Variants in TNFAIP8 observed in about 807,000 individuals in gnomAD.
TNFAIP8 encodes tumor necrosis factor alpha-induced protein 8.
In TNFAIP8, 7 loss-of-function variants were observed where a neutral mutation model predicts 13.3. The ratio of observed to expected loss-of-function variants is 0.52; its 90% CI spans 0.30 to 0.99. The LOEUF is 0.99. TNFAIP8 is among the 50% of genes least tolerant of loss of function. The pLI, the probability that TNFAIP8 is intolerant of heterozygous loss-of-function variation, is 0.07. For missense variants in TNFAIP8, 258 were observed against 236.9 expected (o/e 1.09, Z -0.58); for synonymous variants, 94 against 87.6 (o/e 1.07, Z -0.41).
chr5:119,316,476 T>C (rs1165682563), intron 1 of TNFAIP8, among the ~76,000 whole-genome samples: 1 of 152,192 alleles, frequency 6.6e-6, no homozygotes, highest in Non-Finnish European at 1.5e-5. Flanking sequence ...CTTCTTTCTA[T>C]GTCCCCTAAT....
At chr5:119,312,773 T>C (rs760130799) in intron 1 of TNFAIP8, among the ~76,000 whole-genome samples, 1 of 143,066 alleles carries the variant, frequency 7.0e-6, no homozygotes, top group Non-Finnish European at 1.5e-5. Flanking sequence ...AAAAAGAATA[T>C]GAAGATCTAC....
In TNFAIP8 at chr5:119,393,814, T is replaced by C. The variant is rs151175368; in HGVS notation, c.*433T>C. 1.3e-5 allele frequency: 2 copies of C among 159,304 alleles called. No homozygotes were observed. The highest frequency in any genetic ancestry group is 2.4e-5 in the African/African-American group (1 of 41,624). 9.9% of individuals were successfully genotyped at this position (159,304 alleles called of 1,614,324 possible). ...TAAAATGCCAAGAACTTTCTCTTGC[T>C]ATCATTGCTCCTTTTGAAACAATTC... On this transcript the variant is annotated 3_prime_UTR_variant, in exon 2 of 2. Transcript: ENST00000504771.
intron 1 of TNFAIP8, among the ~76,000 whole-genome samples, chr5:119,376,002 A>G (rs940774575): frequency 3.9e-5 from 6 of 152,192 alleles, no homozygotes; most frequent in Non-Finnish European, 7.4e-5. Flanking sequence ...ATGTTATCAG[A>G]TGACTTTTTG....
At chr5:119,290,864 G>A (rs1748961251) in intron 1 of TNFAIP8, among the ~76,000 whole-genome samples, 1 of 152,184 alleles carries the variant, frequency 6.6e-6, no homozygotes, top group African/African-American at 2.4e-5. Flanking sequence ...GTGTGTTCAA[G>A]GGACATTAAT....
At chr5:119,357,361 T>C (rs6862941) in intron 1 of TNFAIP8, among the ~76,000 whole-genome samples, 23,953 of 152,130 alleles carry the variant, frequency 0.16, 3,605 homozygotes, top group African/African-American at 0.4. Context: ...TGTGTGCTGA[T>C]AGATGCTTTT....
chr5:119,358,644 A>G (rs1265959401), intron 1 of TNFAIP8, among the ~76,000 whole-genome samples: 1 of 152,214 alleles, frequency 6.6e-6, no homozygotes, highest in African/African-American at 2.4e-5. Flanking sequence ...GAGGATATCA[A>G]CAGTTTCCAG....
chr5:119,282,376 C>G (rs1748658627), intron 1 of TNFAIP8, among the ~76,000 whole-genome samples: 1 of 152,132 alleles, frequency 6.6e-6, no homozygotes, highest in Admixed American at 6.5e-5. Flanking sequence ...TGGGAACTGT[C>G]CCATCCCTTT....
intron 1 of TNFAIP8, among the ~76,000 whole-genome samples, chr5:119,330,820 C>T (rs1227968235): frequency 2.6e-5 from 4 of 152,016 alleles, no homozygotes; most frequent in Non-Finnish European, 5.9e-5. Flanking sequence ...TCCCTAATGA[C>T]AGCTTATTTG....
At chr5:119,379,787 C>A (rs1752418661) in intron 1 of TNFAIP8, among the ~76,000 whole-genome samples, 1 of 151,906 alleles carries the variant, frequency 6.6e-6, no homozygotes, top group African/African-American at 2.4e-5. Context: ...GAGATGGGGT[C>A]TCTCCATGTT....
intron 1 of TNFAIP8, among the ~76,000 whole-genome samples, chr5:119,274,231 T>C (rs1268425953): frequency 6.6e-6 from 1 of 152,162 alleles, no homozygotes; most frequent in African/African-American, 2.4e-5. Context: ...GCATGGACAG[T>C]GTTGGCAACA....
intron 1 of TNFAIP8, among the ~76,000 whole-genome samples, chr5:119,288,470 A>G (rs770540055): frequency 6.6e-6 from 1 of 152,238 alleles, no homozygotes; most frequent in South Asian, 2.1e-4. Context: ...AGCACAATCA[A>G]TGGGATTAAG....
At chr5:119,324,848 G>A (rs1474613535) in intron 1 of TNFAIP8, among the ~76,000 whole-genome samples, 1 of 151,894 alleles carries the variant, frequency 6.6e-6, no homozygotes, top group East Asian at 1.9e-4. Flanking sequence ...AATTATATAT[G>A]GCTTAATATA....
intron 1 of TNFAIP8, among the ~76,000 whole-genome samples, chr5:119,348,014 T>C (rs1282601596): frequency 6.6e-6 from 1 of 152,224 alleles, no homozygotes; most frequent in African/African-American, 2.4e-5. Flanking sequence ...TCTTTGTGCA[T>C]TTCACATTTC....
Position 119,397,284 on chromosome 5 carries a change from A to G in TNFAIP8, c.*3903A>G, listed in dbSNP as rs776395937. The G allele has an allele frequency of 2.0e-5, 3 of 152,204 alleles. No individual in the cohort carries two copies. Among genetic ancestry groups the G allele is most frequent in the Non-Finnish European group, 4.4e-5 (3 of 68,040 alleles). The allele number at this position is 152,204 out of a possible 1,614,324, so 9.4% of individuals were successfully genotyped here. On this transcript the variant is annotated 3_prime_UTR_variant, in exon 2 of 2. Coordinates refer to ENST00000504771, the MANE Select transcript of TNFAIP8 (RefSeq NM_014350.4). Reference sequence around the variant, plus strand: ...TATATAAGCAGTTGCAATTTAGCATACAAAACCTGACAAATGGTAAATAAA... The same window carrying G: ...TATATAAGCAGTTGCAATTTAGCATGCAAAACCTGACAAATGGTAAATAAA...
intron 1 of TNFAIP8, among the ~76,000 whole-genome samples, chr5:119,318,104 A>G (rs193172929): frequency 1.4e-4 from 22 of 152,306 alleles, no homozygotes; most frequent in African/African-American, 5.1e-4. Flanking sequence ...TCAAACATTA[A>G]TTATAGTCAA....
At chr5:119,320,819 T>G (rs1211319769) in intron 1 of TNFAIP8, among the ~76,000 whole-genome samples, 1 of 151,670 alleles carries the variant, frequency 6.6e-6, no homozygotes, top group East Asian at 1.9e-4. Flanking sequence ...ACAGATGGAA[T>G]TGCCCCAGGG....
At chr5:119,326,890 A>C (rs1310500122) in intron 1 of TNFAIP8, among the ~76,000 whole-genome samples, 1 of 152,186 alleles carries the variant, frequency 6.6e-6, no homozygotes, top group Non-Finnish European at 1.5e-5. Context: ...GCTGTTTGGA[A>C]GTAAGAACAT....
chr5:119,372,491 T>G (rs762417681), intron 1 of TNFAIP8, among the ~76,000 whole-genome samples: 1 of 152,212 alleles, frequency 6.6e-6, no homozygotes, highest in Admixed American at 6.5e-5. Flanking sequence ...AACAAAGATA[T>G]GACCGTAAAC....
In TNFAIP8 at chr5:119,396,708, A is replaced by C. The variant is rs931297978; in HGVS notation, c.*3327A>C. ...CTCAAAATTAGTTTAAGAGTAAAGCATGGGGTGGGTGCGGTGGCTTATGCT... is the reference window on the plus strand; with the variant it reads ...CTCAAAATTAGTTTAAGAGTAAAGCCTGGGGTGGGTGCGGTGGCTTATGCT... On this transcript the variant is annotated 3_prime_UTR_variant, in exon 2 of 2. Transcript: ENST00000504771. 13 of 152,252 alleles carry C rather than the reference A, an allele frequency of 8.5e-5. No individual in the cohort carries two copies. The highest frequency in any genetic ancestry group is 6.5e-4 in the Admixed American group (10 of 15,284). The allele number at this position is 152,252 out of a possible 1,614,324, so 9.4% of individuals were successfully genotyped here.
Sources: gnomAD v4.1 joint callset for allele counts (sites outside exome capture counted in the v4.1 genomes callset) on GRCh38, gnomAD v4.1.1 for gene constraint, MANE v1.5 for transcripts, NCBI Gene and HGNC (gene_info 2026-07-23, HGNC 2026-07-21) for gene names.